The following DDX19A variants were observed in gnomAD, a reference collection of about 807,000 sequenced individuals.
DDX19A encodes DEAD-box helicase 19A.
A neutral mutation model predicts 60.6 loss-of-function variants in DDX19A; 12 were observed. The ratio of observed to expected loss-of-function variants is 0.20; its 90% CI spans 0.13 to 0.32. DDX19A has a LOEUF of 0.32. DDX19A is among the 10% of genes least tolerant of loss of function. The probability of loss-of-function intolerance (pLI) is 1.00; values close to 1 mark genes in which losing one functional copy is unlikely to be tolerated. For missense variants in DDX19A, 337 were observed against 600.6 expected (o/e 0.56, Z 4.59); for synonymous variants, 206 against 218.2 (o/e 0.94, Z 0.49).
rs1964109576 is a variant in DDX19A at position 70,353,965 on chromosome 16, C to T, written c.107-1520C>T. Among the ~76,000 whole-genome samples the T allele has an allele frequency of 2.7e-5, 4 of 150,698 alleles. No individual in the cohort carries two copies. In the South Asian group the frequency reaches 8.3e-4, roughly 31 times the overall value. On this transcript the variant is annotated intron_variant, in intron 2 of 11. Coordinates refer to ENST00000302243, the MANE Select transcript of DDX19A (RefSeq NM_018332.5). The stretch of plus-strand genomic sequence containing the variant: ...CCAGGCTGCAGTGCAGTGGCTCAAA[C>T]TCCTGGGCTCAAGCTGTTCTCCTGC...
At chr16:70,364,683 C>A in intron 6 of DDX19A, 38 bp downstream of exon 6, 1 of 1,479,906 alleles carries the variant, frequency 6.8e-7, no homozygotes, top group Non-Finnish European at 9.5e-7. Context: ...AGGTTGCCTG[C>A]CCTGGGGAGC....
At chr16:70,355,571 A>G (rs1567650948) in intron 3 of DDX19A, 36 bp downstream of exon 3, 2 of 1,586,472 alleles carry the variant, frequency 1.3e-6, no homozygotes, top group Non-Finnish European at 1.7e-6. Context: ...AAGAGACGGT[A>G]TGACCCAGGG....
At chr16:70,365,462 G>T (rs975904375) in intron 7 of DDX19A, 3 of 203,704 alleles carry the variant, frequency 1.5e-5, no homozygotes, top group Non-Finnish European at 3.0e-5. Flanking sequence ...CAGGACTGAG[G>T]ATGGAAGGTT....
At chr16:70,367,734 G>C (rs1964561370) in intron 9 of DDX19A, among the ~76,000 whole-genome samples, 1 of 151,594 alleles carries the variant, frequency 6.6e-6, no homozygotes, top group African/African-American at 2.4e-5. Context: ...AAAATTAACT[G>C]GGTGTGGTGG....
intron 8 of DDX19A, 145 bp from the exon 9 acceptor site, chr16:70,366,479 C>T (rs1964523131): frequency 2.3e-6 from 3 of 1,285,132 alleles, no homozygotes; most frequent in Non-Finnish European, 3.2e-6. Context: ...CCCTTGTCCC[C>T]ATCCCAGGCC....
chr16:70,367,799 G>A (rs1321351645), intron 9 of DDX19A, among the ~76,000 whole-genome samples: 1 of 152,008 alleles, frequency 6.6e-6, no homozygotes, highest in Admixed American at 6.6e-5. Flanking sequence ...ATCACTTGAA[G>A]CTGGGAGGCG....
intron 8 of DDX19A, 67 bp downstream of exon 8, chr16:70,366,329 G>C (rs1374343119): frequency 1.9e-6 from 3 of 1,604,860 alleles, no homozygotes; most frequent in African/African-American, 2.7e-5. Flanking sequence ...CTTCACTTCA[G>C]ACGCCTCCTC....
intron 9 of DDX19A, 89 bp downstream of exon 9, chr16:70,366,950 A>C: frequency 1.4e-6 from 2 of 1,479,892 alleles, no homozygotes; most frequent in South Asian, 2.4e-5. Context: ...CCTGAGCGCC[A>C]TGGAAAGAAG....
rs781676857 is a variant in DDX19A, at chr16:70,356,194, A to G, written c.240A>G (p.Gln80=). The change falls in exon 4 of 12, where the codon CAA becomes CAG. Residue 80 remains glutamine (Q), a synonymous_variant. Coordinates refer to ENST00000302243, the MANE Select transcript of DDX19A (RefSeq NM_018332.5). ...VDNTNQVEVL[Q]RDPNSPLYSV... is the part of the protein sequence containing the mutation. ...ACACAAACCAAGTGGAAGTCCTGCAACGGGATCCAAACTCCCCTCTGTACT... is the reference window on the plus strand; with the variant it reads ...ACACAAACCAAGTGGAAGTCCTGCAGCGGGATCCAAACTCCCCTCTGTACT... 27 of 1,614,152 alleles carry G rather than the reference A, an allele frequency of 1.7e-5. No homozygotes were observed. In the Middle Eastern group the frequency reaches 4.9e-4, roughly 30 times the overall value.
intron 7 of DDX19A, chr16:70,365,512 T>C (rs1964494054): frequency 1.0e-5 from 2 of 190,684 alleles, no homozygotes; most frequent in Admixed American, 1.1e-4. Flanking sequence ...CAAAACCAGG[T>C]ACAGTGGCTC....
chr16:70,357,920 C>G (rs1964261448), intron 4 of DDX19A, among the ~76,000 whole-genome samples: 1 of 152,120 alleles, frequency 6.6e-6, no homozygotes, highest in East Asian at 1.9e-4. Flanking sequence ...AAATTGAAGC[C>G]ACATTCCTTC....
chr16:70,371,131 T>C (rs997004006), intron 10 of DDX19A: 2 of 668,498 alleles, frequency 3.0e-6, no homozygotes, highest in Non-Finnish European at 5.1e-6. Context: ...TCCAGAACAT[T>C]GTGTCTCCCA....
chr16:70,366,327 C>T, intron 8 of DDX19A, 65 bp downstream of exon 8: 1 of 1,604,518 alleles, frequency 6.2e-7, no homozygotes. Context: ...CCCTTCACTT[C>T]AGACGCCTCC....
intron 2 of DDX19A, among the ~76,000 whole-genome samples, chr16:70,351,091 C>T (rs1964000672): frequency 6.6e-6 from 1 of 151,002 alleles, no homozygotes; most frequent in Admixed American, 6.6e-5. Flanking sequence ...GCCGTGTTAG[C>T]CAGGATGGTC....
Position 70,350,623 on chromosome 16 carries a change from A to G in DDX19A, c.106+18A>G, listed in dbSNP as rs901656061. The G allele has an allele frequency of 6.2e-6, 10 of 1,601,716 alleles. No individual in the cohort carries two copies. Among genetic ancestry groups the G allele is most frequent in the Non-Finnish European group, 8.5e-6 (10 of 1,171,548 alleles). On this transcript the variant is annotated intron_variant, in intron 2 of 11. Transcript: ENST00000302243. Reference sequence around the variant, plus strand: ...TACCAATGGTGAGTCACTAGTAACTACAAGCTAGAAAAGAGTTCCATGTGG... The same window carrying G: ...TACCAATGGTGAGTCACTAGTAACTGCAAGCTAGAAAAGAGTTCCATGTGG...
chr16:70,357,366 GTTTTTTTTTTTTTTTTTT>G (rs71151183), intron 4 of DDX19A, among the ~76,000 whole-genome samples: 22 of 44,580 alleles, frequency 4.9e-4, no homozygotes, highest in East Asian at 3.6e-3. Context: ...TTTTTGGTTT[GTTTTTTTTTTTTTTTTTT>G]TTTTTTTTTT....
At chr16:70,366,892 C>A (rs28594881) in intron 9 of DDX19A, 31 bp downstream of exon 9, 5 of 1,612,932 alleles carry the variant, frequency 3.1e-6, no homozygotes, top group African/African-American at 2.7e-5. Flanking sequence ...CAGGCCTGGC[C>A]CCTCCCTCTC....
Position 70,356,149 on chromosome 16 carries a change from C to G in DDX19A, c.195C>G (p.Ile65Met), listed in dbSNP as rs752871297. ...CCCAGTCCTTACTCAACAAGCTGAT[C>G]AGAAGCAACCTTGTTGATAACACAA... is the stretch of plus-strand genomic sequence containing the variant. The part of the protein sequence containing the change: ...RAAQSLLNKL[I>M]RSNLVDNTNQ... The change falls in exon 4 of 12, where the codon ATC (isoleucine) becomes ATG (methionine). Residue 65 changes from isoleucine (I) to methionine (M), a missense_variant. By Grantham distance (10) the Ile-to-Met change is conservative. Transcript: ENST00000302243. The G allele has an allele frequency of 5.6e-6, 9 of 1,613,874 alleles. No individual in the cohort carries two copies. The South Asian group carries it at 7.7e-5, about 14-fold the overall frequency.
intron 4 of DDX19A, among the ~76,000 whole-genome samples, chr16:70,357,809 A>G (rs1252052892): frequency 6.6e-6 from 1 of 152,126 alleles, no homozygotes; most frequent in East Asian, 1.9e-4. Flanking sequence ...GCTGCCTGCC[A>G]GGATCACAAT....
Sources: allele counts gnomAD v4.1 joint callset (sites outside exome capture counted in the v4.1 genomes callset), GRCh38; gene constraint gnomAD v4.1.1; transcripts MANE v1.5; gene names NCBI Gene and HGNC (gene_info 2026-07-23, HGNC 2026-07-21).